CCDC18: variants seen among roughly 807,000 people sequenced by gnomAD.
CCDC18 encodes the protein coiled-coil domain containing 18.
Under a neutral mutation model 196.0 loss-of-function variants are expected in CCDC18, and 157 were observed. The observed-to-expected ratio is 0.80, with a 90% CI of 0.70 to 0.91. The LOEUF is 0.91. Ranked by LOEUF, CCDC18 falls within the 40% of genes least tolerant of loss-of-function variation. The pLI is 0.00. For missense variants in CCDC18, 1,465 were observed against 1,611.6 expected, an observed-to-expected ratio of 0.91 and a Z score of 1.56; for synonymous variants, 482 against 529.2, an observed-to-expected ratio of 0.91 and a Z score of 1.22.
At position 93,217,837 on chromosome 1, in the gene CCDC18, C is replaced by T. The variant is rs375284256; in HGVS notation, c.1930C>T (p.Gln644Ter). 3.1e-6 allele frequency: 5 copies of T among 1,612,168 alleles called. No homozygotes were observed. Among genetic ancestry groups the T allele is most frequent in the Non-Finnish European group, 4.2e-6 (5 of 1,178,572 alleles). The change falls in exon 14 of 29, where the codon CAG becomes TAG. Residue 644 changes from glutamine to a stop codon, truncating the protein, a stop_gained. Transcript: ENST00000690025. LOFTEE classifies it high-confidence loss of function. Reference sequence around the variant, plus strand: ...AAAAGCAAAGAAAATTCACTTGGAACAGCATAAAGAAATGGAAAAGCAGAT... The same window carrying T: ...AAAAGCAAAGAAAATTCACTTGGAATAGCATAAAGAAATGGAAAAGCAGAT... ...FEKAKKIHLE[Q>*]HKEMEKQIER...
intron 23 of CCDC18, among the ~76,000 whole-genome samples, chr1:93,249,294 TG>T (rs1038753975): frequency 1.3e-5 from 2 of 152,204 alleles, no homozygotes; most frequent in African/African-American, 4.8e-5. Context: ...TGTATTTCTG[TG>T]GTATGAGTTG....
chr1:93,253,847 G>A (rs1328355111), intron 23 of CCDC18, among the ~76,000 whole-genome samples: 2 of 152,146 alleles, frequency 1.3e-5, no homozygotes, highest in Non-Finnish European at 2.9e-5. Flanking sequence ...AGCCACCTGG[G>A]TTTCTGTCTG....
intron 1 of CCDC18, 68 bp downstream of exon 1, chr1:93,180,920 C>T (rs1427315547): frequency 2.2e-6 from 3 of 1,338,288 alleles, no homozygotes; most frequent in Admixed American, 3.9e-5. Flanking sequence ...AACCGGCTTA[C>T]CTGGGGGAGT....
upstream of CCDC18, chr1:93,180,607 C>T (rs778998760): frequency 1.5e-6 from 2 of 1,351,614 alleles, no homozygotes; most frequent in South Asian, 1.2e-5. Context: ...CTAGTGGGCT[C>T]GGGCGCGCTC....
intron 19 of CCDC18, 47 bp downstream of exon 19, chr1:93,236,437 G>A: frequency 6.5e-7 from 1 of 1,540,824 alleles, no homozygotes; most frequent in Non-Finnish European, 8.7e-7. Context: ...CAATATCAGT[G>A]GTATCTGAGT....
chr1:93,262,524 C>A (rs1369449001), intron 26 of CCDC18, among the ~76,000 whole-genome samples: 1 of 152,186 alleles, frequency 6.6e-6, no homozygotes, highest in Non-Finnish European at 1.5e-5. Context: ...GTTAAAGCTC[C>A]AAAATAATCT....
intron 12 of CCDC18, 48 bp downstream of exon 12, chr1:93,215,014 C>G (rs1164350161): frequency 1.7e-6 from 2 of 1,208,344 alleles, no homozygotes; most frequent in East Asian, 2.6e-5. Context: ...TGAACTAGAA[C>G]AAAAGGTATT....
At chr1:93,182,330 A>G (rs1649859092) in intron 1 of CCDC18, among the ~76,000 whole-genome samples, 1 of 152,238 alleles carries the variant, frequency 6.6e-6, no homozygotes, top group Non-Finnish European at 1.5e-5. Flanking sequence ...GGAAGGAAGG[A>G]CAGTTTAGTA....
intron 6 of CCDC18, among the ~76,000 whole-genome samples, chr1:93,195,176 T>C (rs1387635613): frequency 1.3e-5 from 2 of 152,172 alleles, no homozygotes; most frequent in African/African-American, 2.4e-5. Context: ...TGGCTAAATA[T>C]TGACTTTGGC....
intron 26 of CCDC18, 97 bp downstream of exon 26, chr1:93,258,982 A>G: frequency 1.0e-6 from 1 of 955,854 alleles, no homozygotes; most frequent in Non-Finnish European, 1.5e-6. Context: ...TTCATTATTG[A>G]ATAATACATT....
At chr1:93,198,133 A>G (rs1460105806) in intron 6 of CCDC18, among the ~76,000 whole-genome samples, 3 of 152,202 alleles carry the variant, frequency 2.0e-5, no homozygotes, top group Non-Finnish European at 2.9e-5. Context: ...AAAGGTAAAC[A>G]TAAGCCTGCC....
At chr1:93,198,286 A>G (rs1458317104) in intron 6 of CCDC18, among the ~76,000 whole-genome samples, 1 of 152,248 alleles carries the variant, frequency 6.6e-6, no homozygotes, top group Admixed American at 6.5e-5. Context: ...AATTATACAC[A>G]TCAGTAAAAA....
chr1:93,220,837 G>GTT (rs2102206305), intron 14 of CCDC18, among the ~76,000 whole-genome samples: 1 of 152,166 alleles, frequency 6.6e-6, no homozygotes, highest in Admixed American at 6.5e-5. Context: ...GTCTTCGTGT[G>GTT]TTCTCATCAT....
At chr1:93,190,290 C>T (rs914081075) in intron 4 of CCDC18, among the ~76,000 whole-genome samples, 5 of 152,168 alleles carry the variant, frequency 3.3e-5, no homozygotes, top group Non-Finnish European at 5.9e-5. Context: ...GAGATCGAGA[C>T]CATCCTGGCC....
chr1:93,201,375 G>A (rs1030644805), intron 6 of CCDC18, among the ~76,000 whole-genome samples: 7 of 152,088 alleles, frequency 4.6e-5, no homozygotes, highest in African/African-American at 1.4e-4. Context: ...AACAAGGTTC[G>A]GCTTAAAGAG....
intron 23 of CCDC18, among the ~76,000 whole-genome samples, chr1:93,250,192 A>C (rs1481503709): frequency 6.6e-6 from 1 of 151,928 alleles, no homozygotes; most frequent in African/African-American, 2.4e-5. Flanking sequence ...GAGCCTGGGC[A>C]ACATAGTGGG....
In CCDC18 at chr1:93,258,816, A is replaced by G. The variant is rs371237374; in HGVS notation, c.3615A>G (p.Ala1205=). 41 of 1,600,202 alleles carry G rather than the reference A, an allele frequency of 2.6e-5. No homozygotes were observed. Among genetic ancestry groups the G allele is most frequent in the Middle Eastern group, 3.3e-4 (2 of 6,064 alleles). ...AAGTACGTGAAGCTCATTTAGAAGCAAGAATGCAAGCAGAAATCAAGAAAT... is the reference window on the plus strand; with the variant it reads ...AAGTACGTGAAGCTCATTTAGAAGCGAGAATGCAAGCAGAAATCAAGAAAT... ...ASKVREAHLE[A]RMQAEIKKLS... is the part of the protein sequence containing the mutation. The change falls in exon 26 of 29, where the codon GCA becomes GCG. Residue 1205 remains alanine (A), a synonymous_variant. Coordinates refer to ENST00000690025, the MANE Select transcript of CCDC18 (RefSeq NM_001378204.1).
chr1:93,252,531 G>A (rs914669473), intron 23 of CCDC18, among the ~76,000 whole-genome samples: 6 of 150,680 alleles, frequency 4.0e-5, no homozygotes, highest in South Asian at 2.1e-4. Flanking sequence ...GATTCCCTGC[G>A]TCGTCTTAGA....
At position 93,193,197 on chromosome 1, in the gene CCDC18, AAAAG is replaced by A. The variant is rs543544941; in HGVS notation, c.570-407_570-404del. ...TTTGTTTCTGAGTCAAAGAGTAGGAAAAAGAAAGAAAGAAAAAAAATTTTGTCTT... is the reference window on the plus strand; with the variant it reads ...TTTGTTTCTGAGTCAAAGAGTAGGAAAAAGAAAGAAAAAAAATTTTGTCTT... On this transcript the variant is annotated intron_variant, in intron 5 of 28. Coordinates refer to ENST00000690025, the MANE Select transcript of CCDC18 (RefSeq NM_001378204.1). Among the ~76,000 whole-genome samples, 8 of 152,300 alleles carry A rather than the reference AAAAG, an allele frequency of 5.3e-5. No individual in the cohort carries two copies. In the South Asian group the frequency reaches 8.3e-4, roughly 16 times the overall value.
Sources: gnomAD v4.1 joint callset for allele counts (sites outside exome capture counted in the v4.1 genomes callset) on GRCh38, gnomAD v4.1.1 for gene constraint, MANE v1.5 for transcripts, NCBI Gene and HGNC (gene_info 2026-07-23, HGNC 2026-07-21) for gene names.